Variants in ATAD2B observed in about 807,000 individuals in gnomAD.
The protein encoded by ATAD2B is ATPase family AAA domain-containing protein 2B.
ATAD2B carries 40 observed loss-of-function variants against 167.6 expected under a neutral mutation model. The ratio of observed to expected loss-of-function variants is 0.24; its 90% CI spans 0.19 to 0.31. The LOEUF (loss-of-function observed/expected upper bound fraction) is 0.31. Ranked by LOEUF, ATAD2B falls within the 10% of genes least tolerant of loss-of-function variation. The probability of loss-of-function intolerance (pLI) is 1.00; values close to 1 mark genes in which losing one functional copy is unlikely to be tolerated. For synonymous variants in ATAD2B, 579 were observed against 596.5 expected (o/e 0.97, Z 0.43); for missense variants, 1,242 against 1,757.2 (o/e 0.71, Z 5.24).
intron 25 of ATAD2B, chr2:23,755,161 G>C: frequency 6.6e-6 from 1 of 151,980 alleles, no homozygotes; most frequent in Non-Finnish European, 1.5e-5. Context: ...TAGAAAAGCA[G>C]ATACTAACAA....
the ATAD2B span, among the ~76,000 whole-genome samples, chr2:23,725,042 CAAAAAAAAAAA>C: frequency 4.2e-5 from 3 of 71,688 alleles, no homozygotes; most frequent in African/African-American, 1.8e-4. Context: ...GACTCTGTCT[CAAAAAAAAAAA>C]AAAAAAAAAA....
intron 21 of ATAD2B, among the ~76,000 whole-genome samples, chr2:23,785,108 G>T (rs190591924): frequency 4.7e-4 from 71 of 152,020 alleles, no homozygotes; most frequent in African/African-American, 1.6e-3. Context: ...TTGCCAGGGG[G>T]GAGGAATGTA....
At chr2:23,857,731 C>T (rs529274357) in intron 12 of ATAD2B, among the ~76,000 whole-genome samples, 1 of 144,362 alleles carries the variant, frequency 6.9e-6, no homozygotes, top group Non-Finnish European at 1.5e-5. Flanking sequence ...ATACACAAAC[C>T]AAAGTGTATT....
chr2:23,843,597 A>G (rs1460922128), intron 13 of ATAD2B, among the ~76,000 whole-genome samples: 2 of 152,232 alleles, frequency 1.3e-5, no homozygotes, highest in Non-Finnish European at 2.9e-5. Flanking sequence ...CAAGACGACT[A>G]GAGTCTACAG....
chr2:23,748,003 T>C (rs981246175), downstream of ATAD2B, among the ~76,000 whole-genome samples: 1 of 152,170 alleles, frequency 6.6e-6, no homozygotes, highest in Non-Finnish European at 1.5e-5. Flanking sequence ...GTTAAAAATA[T>C]GTTTTGCAGG....
chr2:23,706,859 G>A, the ATAD2B span: 8 of 505,982 alleles, frequency 1.6e-5, no homozygotes, highest in Non-Finnish European at 2.3e-5. Flanking sequence ...GAGGCACCGC[G>A]CTTGGAGCCG....
At chr2:23,849,450 G>A (rs1692213931) in intron 13 of ATAD2B, among the ~76,000 whole-genome samples, 2 of 152,200 alleles carry the variant, frequency 1.3e-5, no homozygotes, top group Admixed American at 1.3e-4. Context: ...AAAACTAGCA[G>A]AATTAAAGGG....
chr2:23,816,268 C>A (rs1686435846), intron 17 of ATAD2B, among the ~76,000 whole-genome samples: 1 of 152,164 alleles, frequency 6.6e-6, no homozygotes, highest in East Asian at 1.9e-4. Context: ...TAAATGTATA[C>A]ACTCTTTGAC....
rs1386587152 is a variant in ATAD2B, at chr2:23,878,010, CAAAGAAAAA to C, written c.902-2115_902-2107del. Among the ~76,000 whole-genome samples the C allele has an allele frequency of 1.8e-3, 51 of 28,610 alleles. 3 individuals are homozygous for C. Among genetic ancestry groups the C allele is most frequent in the Admixed American group, 7.3e-3 (12 of 1,644 alleles). 18.8% of individuals were successfully genotyped at this position (28,610 alleles called of 152,430 possible). ...ACTCCAGCCTGGATGACCCTATCTC[CAAAGAAAAA>C]AAAAAAAAAAAAAAAAAAAAGCAAA... On this transcript the variant is annotated intron_variant, in intron 7 of 27. Transcript: ENST00000238789.
intron 10 of ATAD2B, chr2:23,865,945 CT>C (rs1695065831): frequency 1.0e-6 from 1 of 964,034 alleles, no homozygotes; most frequent in African/African-American, 1.8e-5. Context: ...GTGACTGCCT[CT>C]TCCCTGCTTC....
the ATAD2B span, chr2:23,706,683 G>A: frequency 1.0e-5 from 15 of 1,489,104 alleles, no homozygotes; most frequent in Admixed American, 8.7e-5. Context: ...GAAAGCCCAC[G>A]ATAAGACTGT....
chr2:23,829,726 A>G (rs1558617278), intron 14 of ATAD2B, among the ~76,000 whole-genome samples: 1 of 152,212 alleles, frequency 6.6e-6, no homozygotes, highest in Non-Finnish European at 1.5e-5. Flanking sequence ...ACTGCATGCC[A>G]GCCTGGGTGA....
the ATAD2B span, among the ~76,000 whole-genome samples, chr2:23,725,042 CAAAAAAAAAAAA>C: frequency 1.4e-5 from 1 of 71,688 alleles, no homozygotes; most frequent in Non-Finnish European, 2.4e-5. Flanking sequence ...GACTCTGTCT[CAAAAAAAAAAAA>C]AAAAAAAAAA....
chr2:23,798,384 G>A, intron 18 of ATAD2B, 61 bp from the exon 19 acceptor site: 1 of 1,303,666 alleles, frequency 7.7e-7, no homozygotes, highest in Non-Finnish European at 1.0e-6. Context: ...AGTCTACCCA[G>A]TAATCTCCAA....
chr2:23,732,233 T>A, the ATAD2B span, among the ~76,000 whole-genome samples: 1 of 151,976 alleles, frequency 6.6e-6, no homozygotes, highest in East Asian at 1.9e-4. Flanking sequence ...ATTCAATAGA[T>A]CAAAACCTGG....
the ATAD2B span, among the ~76,000 whole-genome samples, chr2:23,724,989 G>A: frequency 9.2e-5 from 13 of 142,048 alleles, no homozygotes; most frequent in African/African-American, 3.2e-4. Flanking sequence ...CTTGCAGTGA[G>A]CCGAGATCTC....
chr2:23,875,329 A>C (rs1461502209), intron 8 of ATAD2B, among the ~76,000 whole-genome samples: 1 of 151,874 alleles, frequency 6.6e-6, no homozygotes, highest in Non-Finnish European at 1.5e-5. Flanking sequence ...GTGAAATTCT[A>C]TCTCTACTAA....
the ATAD2B span, among the ~76,000 whole-genome samples, chr2:23,710,313 A>G: frequency 6.6e-6 from 1 of 152,232 alleles, no homozygotes; most frequent in Non-Finnish European, 1.5e-5. Context: ...AAACAAACAT[A>G]CAACAAAAAA....
chr2:23,712,043 G>A, the ATAD2B span, among the ~76,000 whole-genome samples: 3 of 152,298 alleles, frequency 2.0e-5, no homozygotes, highest in African/African-American at 7.2e-5. Context: ...ACACTGTTGA[G>A]TTTCATGCTC....
Sources: gnomAD v4.1 joint callset for allele counts (sites outside exome capture counted in the v4.1 genomes callset) on GRCh38, gnomAD v4.1.1 for gene constraint, MANE v1.5 for transcripts, NCBI Gene and HGNC (gene_info 2026-07-23, HGNC 2026-07-21) for gene names.